AJM1: variants seen among roughly 807,000 people sequenced by gnomAD.
AJM1 encodes uncharacterized protein C9orf172.
A neutral mutation model predicts 43.0 loss-of-function variants in AJM1; 22 were observed. The observed-to-expected ratio is 0.51, with a 90% confidence interval of 0.37 to 0.73. AJM1 has a LOEUF of 0.73. Ranked by LOEUF, AJM1 falls within the 30% of genes least tolerant of loss-of-function variation. AJM1 has a pLI of 0.00. For missense variants in AJM1, 1,305 were observed against 1,343.3 expected, an observed-to-expected ratio of 0.97 and a Z score of 0.45; for synonymous variants, 719 against 638.3, an observed-to-expected ratio of 1.13 and a Z score of -1.91.
Position 136,844,490 on chromosome 9 carries a change from G to T in AJM1, c.76G>T (p.Ala26Ser). 1 of 1,610,746 alleles carries T rather than the reference G, an allele frequency of 6.2e-7. No individual in the cohort carries two copies. The highest frequency in any genetic ancestry group is 8.5e-7 in the Non-Finnish European group (1 of 1,179,058). ...QDIKVATPGP[A>S]SKCSPCERSV... Reference sequence around the variant, plus strand: ...CATCAAGGTGGCGACCCCGGGACCCGCGTCCAAGTGCTCGCCATGTGAGCG... The same window carrying T: ...CATCAAGGTGGCGACCCCGGGACCCTCGTCCAAGTGCTCGCCATGTGAGCG... Residue 26 changes from alanine to serine, a missense_variant, in exon 3 of 3, where the codon GCG becomes TCG. Ala to Ser is a moderately conservative substitution (Grantham distance 99). Transcript: ENST00000436881.
chr9:136,845,680 G>C lies in AJM1; in HGVS notation c.1266G>C (p.Pro422=), dbSNP rs1356149233. The C allele has an allele frequency of 3.2e-6, 5 of 1,575,296 alleles. No individual in the cohort carries two copies. The highest frequency in any genetic ancestry group is 1.1e-5 in the South Asian group (1 of 87,750). The change falls in exon 3 of 3, where the codon CCG becomes CCC. Residue 422 remains proline (P), a synonymous_variant. Coordinates refer to ENST00000436881, the MANE Select transcript of AJM1 (RefSeq NM_001080482.5). ...TGGTGCCGCCCTCTGACCCCGACCCGTTGCTCGCCTCCTGGCACGGCGGCA... is the reference window on the plus strand; with the variant it reads ...TGGTGCCGCCCTCTGACCCCGACCCCTTGCTCGCCTCCTGGCACGGCGGCA... ...LQVVPPSDPD[P]LLASWHGGTG...
In AJM1 at chr9:136,844,986, A is replaced by T; in HGVS notation, c.572A>T (p.Lys191Met). The T allele has an allele frequency of 3.2e-6, 2 of 621,732 alleles. No individual in the cohort carries two copies. The highest frequency in any genetic ancestry group is 4.1e-4 in the Middle Eastern group (1 of 2,424). 38.5% of individuals were successfully genotyped at this position (621,732 alleles called of 1,614,324 possible). A position where few individuals can be genotyped will look rare whatever the true frequency, so the allele number is the denominator to read the frequency against. ...CACGTGCGCTGCCGCCTGGACATCA[A>T]GCCAGACGACGCAGTGCTCCAGCAC... is the stretch of plus-strand genomic sequence containing the variant. ...APHVRCRLDI[K>M]PDDAVLQHAT... The change falls in exon 3 of 3, where the codon AAG (lysine) becomes ATG (methionine). Residue 191 changes from lysine (K) to methionine (M), a missense_variant. Transcript: ENST00000436881.
rs754235633 is a variant in AJM1, at chr9:136,845,767, C to T, written c.1353C>T (p.Asn451=). 77 of 1,579,518 alleles carry T rather than the reference C, an allele frequency of 4.9e-5. No homozygotes were observed. Among genetic ancestry groups the T allele is most frequent in the Non-Finnish European group, 6.2e-5 (73 of 1,170,560 alleles). Reference sequence around the variant, plus strand: ...GCCACTACTCGCGCTCCTGGGACAACATTCTGGCCCCGGGGCCGCGCCGAG... The same window carrying T: ...GCCACTACTCGCGCTCCTGGGACAATATTCTGGCCCCGGGGCCGCGCCGAG... The part of the protein sequence containing the change: ...DSRHYSRSWD[N]ILAPGPRRED... The change falls in exon 3 of 3, where the codon AAC becomes AAT. Residue 451 remains asparagine (N), a synonymous_variant. Transcript: ENST00000436881.
Position 136,847,408 on chromosome 9 carries a change from C to A in AJM1, c.*63C>A. 1 of 1,320,122 alleles carries A rather than the reference C, an allele frequency of 7.6e-7. No homozygotes were observed. 81.8% of individuals were successfully genotyped at this position (1,320,122 alleles called of 1,614,324 possible). Reference sequence around the variant, plus strand: ...CGAACCCTGCCCTGCCCACTCAGGCCCCGCCCGGCCCACCCAGGGCCGCCC... The same window carrying A: ...CGAACCCTGCCCTGCCCACTCAGGCACCGCCCGGCCCACCCAGGGCCGCCC... On this transcript the variant is annotated 3_prime_UTR_variant, in exon 3 of 3. Transcript: ENST00000436881.
chr9:136,844,339 C>T lies in AJM1; in HGVS notation c.-59-17C>T, dbSNP rs978393369. ...TGGGCTGCGGAGGGGGCCGCCCTGA[C>T]CCGCGTCTCCCCCCAGGGCAAAAGC... On this transcript the variant is annotated splice_polypyrimidine_tract_variant and intron_variant, in intron 2 of 2. Transcript: ENST00000436881. The T allele has an allele frequency of 9.4e-6, 12 of 1,279,730 alleles. No individual in the cohort carries two copies. The highest frequency in any genetic ancestry group is 7.4e-5 in the African/African-American group (5 of 67,774). The allele number at this position is 1,279,730 out of a possible 1,614,324, so 79.3% of individuals were successfully genotyped here.
At position 136,847,549 on chromosome 9, in the gene AJM1, C is replaced by T. The variant is rs1472152619; in HGVS notation, c.*204C>T. 20 of 491,074 alleles carry T rather than the reference C, an allele frequency of 4.1e-5. No individual in the cohort carries two copies. Among genetic ancestry groups the T allele is most frequent in the Admixed American group, 8.6e-5 (2 of 23,372 alleles). The allele number at this position is 491,074 out of a possible 1,614,324, so 30.4% of individuals were successfully genotyped here. On this transcript the variant is annotated 3_prime_UTR_variant, in exon 3 of 3. Transcript: ENST00000436881. ...TCCGCCCAGGCCCCCACCCCCCGGC[C>T]CTTCGTCCCCGTAGTGTTCCTCACA...
rs567985903 is a variant in AJM1 at position 136,844,532 on chromosome 9, G to A, written c.118G>A (p.Ala40Thr). 6.2e-7 allele frequency: 1 copy of A among 1,606,980 alleles called. No homozygotes were observed. The highest frequency in any genetic ancestry group is 1.3e-5 in the African/African-American group (1 of 74,844). ...SPCERSVARPAEPAPFNKRHC... is the reference protein window; with the variant it reads ...SPCERSVARPTEPAPFNKRHC... ...ATGTGAGCGATCCGTGGCCCGGCCT[G>A]CTGAGCCCGCGCCTTTCAACAAGCG... The change falls in exon 3 of 3, where the codon GCT becomes ACT. Residue 40 changes from alanine to threonine, a missense_variant. Coordinates refer to ENST00000436881, the MANE Select transcript of AJM1 (RefSeq NM_001080482.5).
At position 136,845,189 on chromosome 9, in the gene AJM1, C is replaced by T; in HGVS notation, c.775C>T (p.Pro259Ser). ...PRAFYCDGPLPGPRDYAERRS... is the reference protein window; with the variant it reads ...PRAFYCDGPLSGPRDYAERRS... ...GGCGTTCTACTGCGACGGGCCCCTGCCTGGGCCCCGGGACTACGCCGAGCG... is the reference window on the plus strand; with the variant it reads ...GGCGTTCTACTGCGACGGGCCCCTGTCTGGGCCCCGGGACTACGCCGAGCG... The change falls in exon 3 of 3, where the codon CCT becomes TCT. Residue 259 changes from proline to serine, a missense_variant. Around this residue, in one of 6 missense-constraint regions of AJM1, gnomAD observed 653 missense variants for 549.1 expected, o/e 1.19. Coordinates refer to ENST00000436881, the MANE Select transcript of AJM1 (RefSeq NM_001080482.5). The T allele has an allele frequency of 6.3e-7, 1 of 1,588,106 alleles. No homozygotes were observed. Among genetic ancestry groups the T allele is most frequent in the East Asian group, 2.3e-5 (1 of 44,168 alleles).
intron 1 of AJM1, among the ~76,000 whole-genome samples, chr9:136,842,915 TC>T (rs1848722430): frequency 6.6e-6 from 1 of 151,620 alleles, no homozygotes; most frequent in African/African-American, 2.4e-5. Flanking sequence ...CACCCTGTCA[TC>T]CGGCCGGATT....
At position 136,845,428 on chromosome 9, in the gene AJM1, A is replaced by G. The variant is rs1848758057; in HGVS notation, c.1014A>G (p.Glu338=). The G allele has an allele frequency of 1.9e-6, 3 of 1,609,526 alleles. No individual in the cohort carries two copies. The highest frequency in any genetic ancestry group is 1.7e-5 in the Admixed American group (1 of 59,764). The change falls in exon 3 of 3, where the codon GAA becomes GAG. Residue 338 remains glutamate, a synonymous_variant. Coordinates refer to ENST00000436881, the MANE Select transcript of AJM1 (RefSeq NM_001080482.5). The part of the protein sequence containing the change: ...AGEVRTFPIQ[E]PPSRSYYGEA... ...AGGTGCGCACCTTCCCAATCCAGGAACCGCCCTCCCGCTCCTACTATGGGG... is the reference window on the plus strand; with the variant it reads ...AGGTGCGCACCTTCCCAATCCAGGAGCCGCCCTCCCGCTCCTACTATGGGG...
At position 136,846,671 on chromosome 9, in the gene AJM1, T is replaced by C. The variant is rs1337312709; in HGVS notation, c.2257T>C (p.Phe753Leu). 2 of 1,602,194 alleles carry C rather than the reference T, an allele frequency of 1.2e-6. No individual in the cohort carries two copies. The highest frequency in any genetic ancestry group is 8.5e-7 in the Non-Finnish European group (1 of 1,178,378). ...CCTGTCGCGCGGCCGCGGCGTGCTC[T>C]TCCTGGGCTTCCCAAGTCCAGGCTC... ...GFLSRGRGVL[F>L]LGFPSPGSAD... The change falls in exon 3 of 3, where the codon TTC becomes CTC. Residue 753 changes from phenylalanine (F) to leucine (L), a missense_variant. Physicochemically the swap from Phe to Leu is conservative, Grantham distance 22. Coordinates refer to ENST00000436881, the MANE Select transcript of AJM1 (RefSeq NM_001080482.5).
chr9:136,846,194 A>T lies in AJM1; in HGVS notation c.1780A>T (p.Thr594Ser), dbSNP rs1331201371. The T allele has an allele frequency of 1.7e-5, 25 of 1,508,098 alleles. No homozygotes were observed. The highest frequency in any genetic ancestry group is 2.0e-5 in the Non-Finnish European group (23 of 1,136,170). The allele number at this position is 1,508,098 out of a possible 1,614,324, so 93.4% of individuals were successfully genotyped here. Residue 594 changes from threonine to serine, a missense_variant, in exon 3 of 3, where the codon ACC (threonine) becomes TCC (serine). This residue lies in a region of AJM1 where 391 missense variants were observed against 507.5 expected (regional missense o/e 0.77). Transcript: ENST00000436881. Reference sequence around the variant, plus strand: ...GGACCTGGTCATCGACTCGCGACCCACCGCCGGCCAGGCCTCAGAGCCCGC... The same window carrying T: ...GGACCTGGTCATCGACTCGCGACCCTCCGCCGGCCAGGCCTCAGAGCCCGC... ...ITDLVIDSRP[T>S]AGQASEPAAD...
Position 136,844,789 on chromosome 9 carries a change from G to A in AJM1, c.375G>A (p.Arg125=). Residue 125 remains arginine, a synonymous_variant, in exon 3 of 3, where the codon CGG becomes CGA. Transcript: ENST00000436881. ...GGCGGGAGGCCCAGCGTGCGGCGCG[G>A]GCCGAGGCATCGCCGCGCCGGGAGC... ...RRGREAQRAA[R]AEASPRREPA... is the part of the protein sequence containing the mutation. The A allele has an allele frequency of 3.8e-6, 1 of 264,588 alleles. No homozygotes were observed. The highest frequency in any genetic ancestry group is 6.0e-6 in the Non-Finnish European group (1 of 165,916). The allele number at this position is 264,588 out of a possible 1,614,324, so 16.4% of individuals were successfully genotyped here.
chr9:136,845,567 C>T lies in AJM1; in HGVS notation c.1153C>T (p.Arg385Cys). The T allele has an allele frequency of 6.3e-7, 1 of 1,590,342 alleles. No individual in the cohort carries two copies. The highest frequency in any genetic ancestry group is 8.5e-7 in the Non-Finnish European group (1 of 1,170,958). The change falls in exon 3 of 3, where the codon CGT becomes TGT. Residue 385 changes from arginine to cysteine, a missense_variant. Physicochemically the swap from Arg to Cys is radical, Grantham distance 180 (BLOSUM62 -3). This residue lies in a region of AJM1 where 653 missense variants were observed against 549.1 expected (regional missense o/e 1.19). Transcript: ENST00000436881. ...GGAGGACTTCGGAAGGTACCGCGAGCGTGACGTCCTGGCTCGGACGTACCC... is the reference window on the plus strand; with the variant it reads ...GGAGGACTTCGGAAGGTACCGCGAGTGTGACGTCCTGGCTCGGACGTACCC... The part of the protein sequence containing the change: ...YTEDFGRYRE[R>C]DVLARTYPHP...
At position 136,847,050 on chromosome 9, in the gene AJM1, C is replaced by A; in HGVS notation, c.2636C>A (p.Pro879Gln). The A allele has an allele frequency of 1.5e-6, 2 of 1,378,592 alleles. No homozygotes were observed. Among genetic ancestry groups the A allele is most frequent in the African/African-American group, 1.5e-5 (1 of 66,098 alleles). 85.4% of individuals were successfully genotyped at this position (1,378,592 alleles called of 1,614,324 possible). A position where few individuals can be genotyped will look rare whatever the true frequency, so the allele number is the denominator to read the frequency against. The part of the protein sequence containing the change: ...DMETLILTPP[P>Q]GTAGLDQDGE... Reference sequence around the variant, plus strand: ...GAGACGCTGATCCTGACGCCACCGCCGGGCACGGCGGGCCTGGATCAGGAC... The same window carrying A: ...GAGACGCTGATCCTGACGCCACCGCAGGGCACGGCGGGCCTGGATCAGGAC... The change falls in exon 3 of 3, where the codon CCG becomes CAG. Residue 879 changes from proline to glutamine, a missense_variant. Physicochemically the swap from Pro to Gln is moderately conservative, Grantham distance 76. Transcript: ENST00000436881.
chr9:136,844,744 G>T lies in AJM1; in HGVS notation c.330G>T (p.Pro110=). The change falls in exon 3 of 3, where the codon CCG becomes CCT. Residue 110 remains proline, a synonymous_variant. Coordinates refer to ENST00000436881, the MANE Select transcript of AJM1 (RefSeq NM_001080482.5). ...GCCTGACGCCCGCGCCCGCCTCGCCGCCGGTGTTGCCCCGCCGAGGGCGGG... is the reference window on the plus strand; with the variant it reads ...GCCTGACGCCCGCGCCCGCCTCGCCTCCGGTGTTGCCCCGCCGAGGGCGGG... ...PPGLTPAPAS[P]PVLPRRGREA... is the part of the protein sequence containing the mutation. The T allele has an allele frequency of 1.8e-6, 1 of 542,438 alleles. No homozygotes were observed. The highest frequency in any genetic ancestry group is 2.4e-6 in the Non-Finnish European group (1 of 416,776). The allele number at this position is 542,438 out of a possible 1,614,324, so 33.6% of individuals were successfully genotyped here. A position where few individuals can be genotyped will look rare whatever the true frequency, so the allele number is the denominator to read the frequency against.
chr9:136,844,877 C>A lies in AJM1; in HGVS notation c.463C>A (p.Arg155=). The part of the protein sequence containing the change: ...ELHPIKLQPQ[R]GGPGRVAPLC... ...GCATCCCATCAAGTTGCAGCCGCAGCGGGGCGGCCCCGGCCGCGTCGCGCC... is the reference window on the plus strand; with the variant it reads ...GCATCCCATCAAGTTGCAGCCGCAGAGGGGCGGCCCCGGCCGCGTCGCGCC... Residue 155 remains arginine, a synonymous_variant, in exon 3 of 3, where the codon CGG becomes AGG. Transcript: ENST00000436881. 1 of 217,628 alleles carries A rather than the reference C, an allele frequency of 4.6e-6. No individual in the cohort carries two copies. Among genetic ancestry groups the A allele is most frequent in the Non-Finnish European group, 9.0e-6 (1 of 111,642 alleles). The allele number at this position is 217,628 out of a possible 1,614,324, so 13.5% of individuals were successfully genotyped here.
chr9:136,846,998 C>G lies in AJM1; in HGVS notation c.2584C>G (p.Pro862Ala), dbSNP rs1214419365. ...LAAGSPARPP[P>A]ARSREPDMET... ...GGCCGGCAGCCCCGCGCGGCCGCCC[C>G]CGGCGCGGAGCCGCGAGCCCGACAT... The change falls in exon 3 of 3, where the codon CCG becomes GCG. Residue 862 changes from proline (P) to alanine (A), a missense_variant. Transcript: ENST00000436881. 4.1e-6 allele frequency: 5 copies of G among 1,232,390 alleles called. No homozygotes were observed. Among genetic ancestry groups the G allele is most frequent in the South Asian group, 1.7e-5 (1 of 59,296 alleles). 76.3% of individuals were successfully genotyped at this position (1,232,390 alleles called of 1,614,324 possible). A position where few individuals can be genotyped will look rare whatever the true frequency, so the allele number is the denominator to read the frequency against.
rs905232190 is a variant in AJM1, at chr9:136,844,505, C to T, written c.91C>T (p.Pro31Ser). 5 of 1,610,000 alleles carry T rather than the reference C, an allele frequency of 3.1e-6. No homozygotes were observed. In the African/African-American group the frequency reaches 5.3e-5, roughly 17 times the overall value. ...ATPGPASKCS[P>S]CERSVARPAE... Reference sequence around the variant, plus strand: ...CCCGGGACCCGCGTCCAAGTGCTCGCCATGTGAGCGATCCGTGGCCCGGCC... The same window carrying T: ...CCCGGGACCCGCGTCCAAGTGCTCGTCATGTGAGCGATCCGTGGCCCGGCC... Residue 31 changes from proline to serine, a missense_variant, in exon 3 of 3, where the codon CCA becomes TCA. This residue lies in a region of AJM1 where 128 missense variants were observed against 120.6 expected (regional missense o/e 1.06). Coordinates refer to ENST00000436881, the MANE Select transcript of AJM1 (RefSeq NM_001080482.5).
Sources: allele counts gnomAD v4.1 joint callset (sites outside exome capture counted in the v4.1 genomes callset), GRCh38; gene constraint gnomAD v4.1.1; regional missense constraint gnomAD v4.1.1; transcripts MANE v1.5; gene names NCBI Gene and HGNC (gene_info 2026-07-23, HGNC 2026-07-21).